NISCH: variants seen among roughly 807,000 people sequenced by gnomAD.
The protein encoded by NISCH is I-1 receptor candidate protein.
In NISCH, 55 loss-of-function variants were observed where a neutral mutation model predicts 138.4. The observed-to-expected ratio is 0.40, with a 90% CI of 0.32 to 0.50. NISCH has a LOEUF of 0.50. Among genes scored for constraint, NISCH ranks in the 20% least tolerant of loss-of-function variants. The pLI, the probability that NISCH is intolerant of heterozygous loss-of-function variation, is 0.71. For missense variants in NISCH, 1,643 were observed against 2,005.5 expected (o/e 0.82, Z 3.45); for synonymous variants, 860 against 861.5 (o/e 1.00, Z 0.03).
At position 52,492,366 on chromosome 3, in the gene NISCH, G is replaced by C. The variant is rs760309795; in HGVS notation, c.4399G>C (p.Val1467Leu). Residue 1467 changes from valine to leucine, a missense_variant, in exon 21 of 21, where the codon GTC becomes CTC. Transcript: ENST00000345716. ...GGCTAGAGCCAGCCAGGGCCGTGAAGTCCAGTGGCAGGTGTTTGTCCCCAG... is the reference window on the plus strand; with the variant it reads ...GGCTAGAGCCAGCCAGGGCCGTGAACTCCAGTGGCAGGTGTTTGTCCCCAG... ...GPARASQGRE[V>L]QWQVFVPSAE... 1 of 1,613,386 alleles carries C rather than the reference G, an allele frequency of 6.2e-7. No homozygotes were observed. Among genetic ancestry groups the C allele is most frequent in the South Asian group, 1.1e-5 (1 of 91,088 alleles).
chr3:52,473,852 C>A, intron 7 of NISCH, 23 bp downstream of exon 7: 1 of 1,535,648 alleles, frequency 6.5e-7, no homozygotes, highest in Non-Finnish European at 9.0e-7. Flanking sequence ...TATATCCTGC[C>A]TGGGGCAATG....
chr3:52,484,671 A>C (rs911669152), intron 14 of NISCH, 34 bp downstream of exon 14: 2 of 1,611,470 alleles, frequency 1.2e-6, no homozygotes, highest in African/African-American at 2.7e-5. Flanking sequence ...GGGACCATAC[A>C]TCTGTGGGTG....
intron 1 of NISCH, among the ~76,000 whole-genome samples, chr3:52,457,155 G>T (rs185996991): frequency 6.6e-6 from 1 of 152,308 alleles, no homozygotes; most frequent in African/African-American, 2.4e-5. Context: ...AGAGAACTTA[G>T]GCTCCAAGTT....
chr3:52,472,372 A>G lies in NISCH; in HGVS notation c.643A>G (p.Ile215Val), dbSNP rs139780692. The G allele has an allele frequency of 1.1e-3, 1,747 of 1,614,158 alleles. 4 individuals carry two copies. The highest frequency in any genetic ancestry group is 2.2e-3 in the South Asian group (198 of 91,086). Residue 215 changes from isoleucine (I) to valine (V), a missense_variant, in exon 6 of 21, where the codon ATA (isoleucine) becomes GTA (valine). Physicochemically the swap from Ile to Val is conservative, Grantham distance 29 (BLOSUM62 3). Transcript: ENST00000345716. ...QEQLLPFDLSIFKSLHQVEIS... is the reference protein window; with the variant it reads ...QEQLLPFDLSVFKSLHQVEIS... Reference sequence around the variant, plus strand: ...GCAGCTCCTGCCGTTCGACCTATCAATATTCAAGTCCCTGCATCAGGTGGA... The same window carrying G: ...GCAGCTCCTGCCGTTCGACCTATCAGTATTCAAGTCCCTGCATCAGGTGGA...
At chr3:52,491,256 G>C in intron 19 of NISCH, 96 bp from the exon 20 acceptor site, 2 of 1,498,266 alleles carry the variant, frequency 1.3e-6, no homozygotes, top group Non-Finnish European at 1.8e-6. Flanking sequence ...CTGGCCTCTG[G>C]GCTGAGGCTT....
chr3:52,458,232 C>T (rs1013721772), intron 2 of NISCH, among the ~76,000 whole-genome samples: 2 of 152,168 alleles, frequency 1.3e-5, no homozygotes, highest in Non-Finnish European at 2.9e-5. Flanking sequence ...TTTGATCTAG[C>T]GATAGCTATT....
chr3:52,492,459 C>T lies in NISCH; in HGVS notation c.4492C>T (p.Leu1498=). Residue 1498 remains leucine, a synonymous_variant, in exon 21 of 21, where the codon CTG becomes TTG. Coordinates refer to ENST00000345716, the MANE Select transcript of NISCH (RefSeq NM_007184.4). ...GTGGGAGGCCCTGTGTGGCCGTGAG[C>T]TGCCTGTCGAGCTCACCGGCTAGCC... ...RQWEALCGRE[L]PVELTG 1 of 1,606,250 alleles carries T rather than the reference C, an allele frequency of 6.2e-7. No homozygotes were observed. The highest frequency in any genetic ancestry group is 2.2e-5 in the East Asian group (1 of 44,816).
rs1431414734 is a variant in NISCH at position 52,476,608 on chromosome 3, T to A, written c.918+9T>A. 1.9e-6 allele frequency: 3 copies of A among 1,613,864 alleles called. No individual in the cohort carries two copies. The South Asian group carries it at 3.3e-5, about 18-fold the overall frequency. The stretch of plus-strand genomic sequence containing the variant: ...AGATCGACGAGTCTGTGGTATGCTC[T>A]CAGCAGCAGGTGCCAGGGGTTTCTC... On this transcript the variant is annotated intron_variant, in intron 8 of 20. Coordinates refer to ENST00000345716, the MANE Select transcript of NISCH (RefSeq NM_007184.4).
At chr3:52,481,241 C>T in intron 13 of NISCH, 1 of 1,095,608 alleles carries the variant, frequency 9.1e-7, no homozygotes, top group South Asian at 3.7e-5. Context: ...GGCTGTGGTG[C>T]AGAATGCTCA....
intron 3 of NISCH, among the ~76,000 whole-genome samples, chr3:52,466,885 C>T (rs1706795173): frequency 6.6e-6 from 1 of 152,174 alleles, no homozygotes; most frequent in Non-Finnish European, 1.5e-5. Context: ...TACACACCAA[C>T]ACAGAATCCC....
chr3:52,456,780 C>T (rs1706485245), intron 1 of NISCH, among the ~76,000 whole-genome samples: 1 of 152,226 alleles, frequency 6.6e-6, no homozygotes, highest in Non-Finnish European at 1.5e-5. Context: ...GAAATGGCTG[C>T]TCCTCAGGGC....
At chr3:52,469,054 A>G (rs897005271) in intron 3 of NISCH, among the ~76,000 whole-genome samples, 32 of 152,220 alleles carry the variant, frequency 2.1e-4, no homozygotes, top group Non-Finnish European at 1.5e-4. Flanking sequence ...ATAAAAGATA[A>G]GAAAGAGACA....
chr3:52,482,954 C>T (rs1037886158), intron 13 of NISCH, among the ~76,000 whole-genome samples: 1 of 152,154 alleles, frequency 6.6e-6, no homozygotes, highest in Non-Finnish European at 1.5e-5. Context: ...TGGAGGAGAA[C>T]AGGGTAGGAT....
rs755122433 is a variant in NISCH at position 52,458,813 on chromosome 3, T to A, written c.329T>A (p.Val110Glu). Residue 110 changes from valine (V) to glutamate (E), a missense_variant, in exon 3 of 21, where the codon GTA (valine) becomes GAA (glutamate). Val to Glu is a moderately radical substitution (Grantham distance 121, BLOSUM62 -2). Coordinates refer to ENST00000345716, the MANE Select transcript of NISCH (RefSeq NM_007184.4). Reference protein sequence around the residue: ...LAAFPGVTPRVLAHFLHFHFY... With the variant: ...LAAFPGVTPRELAHFLHFHFY... The stretch of plus-strand genomic sequence containing the variant: ...GCCTTCCCTGGCGTGACCCCCAGAG[T>A]ACTGGCCCACTTCTTGCATTTTCAC... 6.2e-7 allele frequency: 1 copy of A among 1,602,596 alleles called. No individual in the cohort carries two copies. Among genetic ancestry groups the A allele is most frequent in the East Asian group, 2.2e-5 (1 of 44,816 alleles).
chr3:52,488,252 C>A lies in NISCH; in HGVS notation c.2760C>A (p.Ile920=). The A allele has an allele frequency of 6.2e-7, 1 of 1,611,000 alleles. No individual in the cohort carries two copies. Among genetic ancestry groups the A allele is most frequent in the Middle Eastern group, 1.6e-4 (1 of 6,062 alleles). The part of the protein sequence containing the change: ...LLLTPQHLNV[I]KADFNPMPNR... ...TCACGCCCCAGCACCTCAACGTCAT[C>A]AAGGCCGACTTCAACCCCATGCCCA... is the stretch of plus-strand genomic sequence containing the variant. Residue 920 remains isoleucine, a synonymous_variant, in exon 16 of 21, where the codon ATC becomes ATA. Transcript: ENST00000345716.
At position 52,472,411 on chromosome 3, in the gene NISCH, G is replaced by A. The variant is rs994486384; in HGVS notation, c.669+13G>A. On this transcript the variant is annotated intron_variant, in intron 6 of 20. Coordinates refer to ENST00000345716, the MANE Select transcript of NISCH (RefSeq NM_007184.4). The stretch of plus-strand genomic sequence containing the variant: ...GCATCAGGTGGAGGTAAGGCCCAGC[G>A]CTGCACAGCATCCTCTCGCTCCCAA... The A allele has an allele frequency of 1.2e-6, 2 of 1,602,494 alleles. No homozygotes were observed. The highest frequency in any genetic ancestry group is 1.7e-6 in the Non-Finnish European group (2 of 1,169,524).
rs548097539 is a variant in NISCH, at chr3:52,488,096, G to C, written c.2604G>C (p.Val868=). ...TGGTCTACAGTGACAAGCGCATGGTGCAGACGGCCGCCGGGGACTACTCAG... is the reference window on the plus strand; with the variant it reads ...TGGTCTACAGTGACAAGCGCATGGTCCAGACGGCCGCCGGGGACTACTCAG... ...VYLVYSDKRM[V]QTAAGDYSGN... The change falls in exon 16 of 21, where the codon GTG becomes GTC. Residue 868 remains valine (V), a synonymous_variant. Coordinates refer to ENST00000345716, the MANE Select transcript of NISCH (RefSeq NM_007184.4). 8 of 1,612,908 alleles carry C rather than the reference G, an allele frequency of 5.0e-6. No individual in the cohort carries two copies. In the African/African-American group the frequency reaches 1.1e-4, roughly 21 times the overall value.
rs1287082553 is a variant in NISCH, at chr3:52,488,529, A to T, written c.3037A>T (p.Ile1013Phe). 1.2e-6 allele frequency: 2 copies of T among 1,613,128 alleles called. No individual in the cohort carries two copies. The highest frequency in any genetic ancestry group is 2.2e-5 in the South Asian group (2 of 91,088). The change falls in exon 16 of 21, where the codon ATC becomes TTC. Residue 1013 changes from isoleucine (I) to phenylalanine (F), a missense_variant. Transcript: ENST00000345716. ...GCTGCAGGACCTGAAGACTGTGGTCATCGCCAAGACCCCCGGGACGGGAGG... is the reference window on the plus strand; with the variant it reads ...GCTGCAGGACCTGAAGACTGTGGTCTTCGCCAAGACCCCCGGGACGGGAGG... ...ASLQDLKTVV[I>F]AKTPGTGGSP...
intron 13 of NISCH, 149 bp downstream of exon 13, chr3:52,480,444 C>G (rs113603101): frequency 6.5e-7 from 1 of 1,540,686 alleles, no homozygotes; most frequent in Admixed American, 2.0e-5. Context: ...CTGGTCCTCG[C>G]GGGGGGACAC....
Sources: gnomAD v4.1 joint callset for allele counts (sites outside exome capture counted in the v4.1 genomes callset) on GRCh38, gnomAD v4.1.1 for gene constraint, MANE v1.5 for transcripts, NCBI Gene and HGNC (gene_info 2026-07-23, HGNC 2026-07-21) for gene names.